The following SORCS2 variants were observed in gnomAD, a reference collection of about 807,000 sequenced individuals.
The protein encoded by SORCS2 is VPS10 domain-containing receptor SorCS2.
In SORCS2, 100 loss-of-function variants were observed where a neutral mutation model predicts 141.6. The ratio of observed to expected loss-of-function variants is 0.71; its 90% CI spans 0.60 to 0.83. The LOEUF (loss-of-function observed/expected upper bound fraction) is 0.83. SORCS2 is among the 40% of genes least tolerant of loss of function. The probability of loss-of-function intolerance (pLI) is 0.00; values close to 1 mark genes in which losing one functional copy is unlikely to be tolerated. For missense variants in SORCS2, 1,646 were observed against 1,560.2 expected (o/e 1.05, Z -0.93); for synonymous variants, 789 against 676.9 (o/e 1.17, Z -2.57).
At chr4:7,489,959 C>T (rs1352498896) in intron 2 of SORCS2, among the ~76,000 whole-genome samples, 1 of 152,158 alleles carries the variant, frequency 6.6e-6, no homozygotes, top group Non-Finnish European at 1.5e-5. Flanking sequence ...AGGCTGGGTT[C>T]TCCTTCTATA....
At chr4:7,281,466 C>T (rs761521209) in intron 1 of SORCS2, among the ~76,000 whole-genome samples, 1 of 152,178 alleles carries the variant, frequency 6.6e-6, no homozygotes, top group Non-Finnish European at 1.5e-5. Context: ...GCGTCCCCTC[C>T]GCCTCCAGCA....
At chr4:7,568,955 C>G (rs77946229) in intron 3 of SORCS2, among the ~76,000 whole-genome samples, 2,556 of 152,310 alleles carry the variant, frequency 0.017, 33 homozygotes, top group South Asian at 0.032. Context: ...AGGCTGGACT[C>G]TACCTTGGCT....
At position 7,661,513 on chromosome 4, in the gene SORCS2, G is replaced by C. The variant is rs1019030900; in HGVS notation, c.901G>C (p.Val301Leu). 17 of 1,551,726 alleles carry C rather than the reference G, an allele frequency of 1.1e-5. No homozygotes were observed. In the Admixed American group the frequency reaches 2.5e-4, roughly 23 times the overall value. The stretch of plus-strand genomic sequence containing the variant: ...CTTCTTTTCCAGGTCTGTGTCTGGG[G>C]TGGACGCTGACCCTGACTTGGTCCA... ...KDHVFWSVSG[V>L]DADPDLVHVE... Residue 301 changes from valine (V) to leucine (L), a missense_variant, in exon 6 of 27, where the codon GTG becomes CTG. Coordinates refer to ENST00000507866, the MANE Select transcript of SORCS2 (RefSeq NM_020777.3).
At chr4:7,738,099 G>T (rs1287822283) in intron 26 of SORCS2, among the ~76,000 whole-genome samples, 1 of 152,248 alleles carries the variant, frequency 6.6e-6, no homozygotes, top group Non-Finnish European at 1.5e-5. Context: ...ATGTTTGAGG[G>T]GAGGGGACAC....
At chr4:7,316,228 AT>A (rs1482416471) in intron 1 of SORCS2, among the ~76,000 whole-genome samples, 190 of 151,856 alleles carry the variant, frequency 1.3e-3, no homozygotes, top group African/African-American at 4.5e-3. Context: ...CCATCCATCC[AT>A]CCATCCATCC....
At chr4:7,340,958 C>G (rs973792144) in intron 1 of SORCS2, among the ~76,000 whole-genome samples, 1 of 152,244 alleles carries the variant, frequency 6.6e-6, no homozygotes, top group Non-Finnish European at 1.5e-5. Context: ...GACAATTGCA[C>G]CCATCCCTGC....
At chr4:7,197,627 G>A (rs529969795) in intron 1 of SORCS2, among the ~76,000 whole-genome samples, 3 of 152,208 alleles carry the variant, frequency 2.0e-5, no homozygotes, top group African/African-American at 7.2e-5. Context: ...GGTCTGGGGG[G>A]TAGGAATTTT....
intron 1 of SORCS2, among the ~76,000 whole-genome samples, chr4:7,284,744 A>G (rs929090785): frequency 6.6e-6 from 1 of 152,196 alleles, no homozygotes; most frequent in African/African-American, 2.4e-5. Flanking sequence ...ACAAATTGCT[A>G]CAACCGGGTG....
chr4:7,427,817 C>A (rs1038407168), intron 2 of SORCS2, among the ~76,000 whole-genome samples: 3 of 151,450 alleles, frequency 2.0e-5, no homozygotes, highest in Non-Finnish European at 3.0e-5. Context: ...TTCCTGAGGG[C>A]CCCTCCCCAA....
intron 2 of SORCS2, among the ~76,000 whole-genome samples, chr4:7,461,078 C>A (rs569478703): frequency 6.6e-6 from 1 of 152,074 alleles, no homozygotes; most frequent in Non-Finnish European, 1.5e-5. Context: ...TTCAAGATGC[C>A]CTGCCACAAA....
chr4:7,267,852 G>A (rs898861220), intron 1 of SORCS2, among the ~76,000 whole-genome samples: 10 of 152,182 alleles, frequency 6.6e-5, no homozygotes, highest in African/African-American at 2.2e-4. Context: ...ATACCAGCTT[G>A]TCTGGGTCAT....
chr4:7,407,306 C>T (rs1229006063), intron 2 of SORCS2, among the ~76,000 whole-genome samples: 1 of 152,046 alleles, frequency 6.6e-6, no homozygotes, highest in Non-Finnish European at 1.5e-5. Context: ...TACTGTATTT[C>T]AGTCTATCTC....
chr4:7,642,976 G>A (rs1210444102), intron 4 of SORCS2, among the ~76,000 whole-genome samples: 4 of 152,192 alleles, frequency 2.6e-5, no homozygotes, highest in African/African-American at 9.7e-5. Context: ...AGAGTCAATG[G>A]AGTGGACACA....
intron 11 of SORCS2, among the ~76,000 whole-genome samples, chr4:7,691,756 G>A (rs924314924): frequency 6.6e-6 from 1 of 151,888 alleles, no homozygotes; most frequent in Admixed American, 6.6e-5. Flanking sequence ...TCAATGACAG[G>A]GTATTTAAAA....
chr4:7,366,294 G>A (rs535840295), intron 1 of SORCS2, among the ~76,000 whole-genome samples: 1 of 151,402 alleles, frequency 6.6e-6, no homozygotes, highest in African/African-American at 2.4e-5. Context: ...TTAAACCTGT[G>A]TGGACAGTAG....
intron 2 of SORCS2, among the ~76,000 whole-genome samples, chr4:7,451,961 C>A (rs905861640): frequency 2.6e-5 from 4 of 152,168 alleles, no homozygotes; most frequent in Non-Finnish European, 5.9e-5. Context: ...GCACATTTGG[C>A]CAAGGCAGGA....
At chr4:7,371,158 C>T (rs1006078491) in intron 1 of SORCS2, among the ~76,000 whole-genome samples, 8 of 152,306 alleles carry the variant, frequency 5.3e-5, no homozygotes, top group South Asian at 4.1e-4. Context: ...GAGGTGGAAA[C>T]GTGGGTGCAG....
chr4:7,626,209 G>T (rs771906096), intron 3 of SORCS2, among the ~76,000 whole-genome samples: 1 of 152,220 alleles, frequency 6.6e-6, no homozygotes, highest in Non-Finnish European at 1.5e-5. Context: ...ACCATTCATA[G>T]ATGACCTAGC....
intron 2 of SORCS2, among the ~76,000 whole-genome samples, chr4:7,424,892 G>T (rs1021755401): frequency 6.6e-6 from 1 of 152,178 alleles, no homozygotes; most frequent in Admixed American, 6.5e-5. Flanking sequence ...CACAGTGCCC[G>T]GCACCACCTC....
Sources: allele counts gnomAD v4.1 joint callset (sites outside exome capture counted in the v4.1 genomes callset), GRCh38; gene constraint gnomAD v4.1.1; transcripts MANE v1.5; gene names NCBI Gene and HGNC (gene_info 2026-07-23, HGNC 2026-07-21).